ROS1: variants seen among roughly 807,000 people sequenced by gnomAD.
ROS1 encodes ROS proto-oncogene 1, receptor tyrosine kinase, also known as proto-oncogene tyrosine-protein kinase ROS.
In ROS1, 263 loss-of-function variants were observed where a neutral mutation model predicts 273.5. The observed-to-expected ratio is 0.96, with a 90% CI of 0.87 to 1.06. The LOEUF is 1.06. Ranked by LOEUF, ROS1 falls within the 50% of genes least tolerant of loss-of-function variation. ROS1 has a pLI of 0.00. For synonymous variants in ROS1, 1,008 were observed against 954.1 expected (o/e 1.06, Z -1.04); for missense variants, 2,833 against 2,751.1 (o/e 1.03, Z -0.67).
At chr6:117,326,091 T>TATATATA (rs1491282002) in intron 34 of ROS1, 133 bp downstream of exon 34, 47 of 148,330 alleles carry the variant, frequency 3.2e-4, no homozygotes, top group East Asian at 1.9e-3. Flanking sequence ...GATAATAAGA[T>TATATATA]TATATATATA....
chr6:117,350,770 A>T (rs1446889184), intron 27 of ROS1, among the ~76,000 whole-genome samples: 1 of 149,192 alleles, frequency 6.7e-6, no homozygotes, highest in Non-Finnish European at 1.5e-5. Flanking sequence ...CCTCAGCCAC[A>T]TCCAGTCTAC....
At position 117,317,229 on chromosome 6, in the gene ROS1, G is replaced by A. The variant is rs1332464408; in HGVS notation, c.6031C>T (p.Leu2011=). 1.2e-6 allele frequency: 2 copies of A among 1,613,108 alleles called. No individual in the cohort carries two copies. Among genetic ancestry groups the A allele is most frequent in the African/African-American group, 2.7e-5 (2 of 74,842 alleles). ...PNILKQLGVC[L]LNEPQYIILE... is the part of the protein sequence containing the mutation. Reference sequence around the variant, plus strand: ...ATAATGTATTGGGGTTCATTCAGCAGACAAACTCCAAGCTGCTTCAGAATG... The same window carrying A: ...ATAATGTATTGGGGTTCATTCAGCAAACAAACTCCAAGCTGCTTCAGAATG... Residue 2011 remains leucine, a synonymous_variant, in exon 39 of 44, where the codon CTG becomes TTG. Transcript: ENST00000368507.
intron 27 of ROS1, 130 bp downstream of exon 27, chr6:117,352,860 A>G (rs2128637469): frequency 1.3e-6 from 1 of 753,800 alleles, no homozygotes. Context: ...ACAGAAGACT[A>G]GCAGAGTTTG....
chr6:117,299,558 C>A (rs1435275142), intron 43 of ROS1: 6 of 152,214 alleles, frequency 3.9e-5, no homozygotes, highest in Non-Finnish European at 8.8e-5. Flanking sequence ...GTGCAAGTAG[C>A]TCTGCAAGCT....
rs1773582930 is a variant in ROS1 at position 117,288,423 on chromosome 6, C to T, written c.*69G>A. The T allele has an allele frequency of 7.9e-7, 1 of 1,261,220 alleles. No homozygotes were observed. Among genetic ancestry groups the T allele is most frequent in the South Asian group, 1.4e-5 (1 of 70,048 alleles). 78.1% of individuals were successfully genotyped at this position (1,261,220 alleles called of 1,614,324 possible). On this transcript the variant is annotated 3_prime_UTR_variant, in exon 44 of 44. Coordinates refer to ENST00000368507, the MANE Select transcript of ROS1 (RefSeq NM_001378902.1). The stretch of plus-strand genomic sequence containing the variant: ...ACCACCATGACATTTATCATTCTAG[C>T]AGAGTTTTCTTTCAGTAACTACTGA...
chr6:117,324,049 T>G (rs1776463634), intron 35 of ROS1, among the ~76,000 whole-genome samples: 1 of 152,220 alleles, frequency 6.6e-6, no homozygotes, highest in Admixed American at 6.5e-5. Context: ...AAATAAATAC[T>G]GTTTTAAAGA....
Position 117,327,552 on chromosome 6 carries a change from G to A in ROS1, c.5349-1138C>T, listed in dbSNP as rs148662399. 5.4e-3 allele frequency among the ~76,000 whole-genome samples: 828 copies of A among 152,230 alleles called. 4 individuals carry two copies. Among genetic ancestry groups the A allele is most frequent in the African/African-American group, 0.019 (793 of 41,530 alleles). ...ATACTGTACTGGGGCTTTACATAAC[G>A]TTGTTTTAATTCACTGAGTCCACAA... On this transcript the variant is annotated intron_variant, in intron 33 of 43. Transcript: ENST00000368507.
At chr6:117,321,900 A>G (rs965834056) in intron 35 of ROS1, among the ~76,000 whole-genome samples, 8 of 147,146 alleles carry the variant, frequency 5.4e-5, no homozygotes, top group African/African-American at 2.0e-4. Context: ...ATACTCGAAT[A>G]TGTAGAAAAA....
rs2128546382 is a variant in ROS1, at chr6:117,308,912, T to C, written c.6433A>G (p.Ile2145Val). ...QSDVWSFGIL[I>V]WEILTLGHQP... ...TGACCAAGAGTTAAAATCTCCCAAA[T>C]CAGAATTCCAAAAGACCTAAGAATA... The change falls in exon 42 of 44, where the codon ATT becomes GTT. Residue 2145 changes from isoleucine to valine, a missense_variant. Physicochemically the swap from Ile to Val is conservative, Grantham distance 29 (BLOSUM62 3). Transcript: ENST00000368507. 3.1e-6 allele frequency: 5 copies of C among 1,613,092 alleles called. No homozygotes were observed. Among genetic ancestry groups the C allele is most frequent in the Non-Finnish European group, 4.2e-6 (5 of 1,179,442 alleles).
rs1774812846 is a variant in ROS1, at chr6:117,410,447, TG to T, written c.256-806del. ...TCAATGAATATCTTTATACCAATGC[TG>T]AGTTTTAAAATCTATGAAAACTTAA... On this transcript the variant is annotated intron_variant, in intron 4 of 43. Transcript: ENST00000368507. Among the ~76,000 whole-genome samples the T allele has an allele frequency of 2.6e-5, 4 of 152,220 alleles. No individual in the cohort carries two copies. The South Asian group carries it at 8.3e-4, about 31-fold the overall frequency.
rs1778185119 is a variant in ROS1, at chr6:117,344,203, TA to T, written c.4362del (p.Asn1455ThrfsTer43). ...DTVEPTILNATNTSLTIRLPL... is the reference protein window; with the variant it reads ...DTVEPTILNAXNTSLTIRLPL... Reference sequence around the variant, plus strand: ...GGTAATCTGATTGTGAGGCTAGTGTTAGTGGCATTAAGTATAGTTGGTTCCA... The same window carrying T: ...GGTAATCTGATTGTGAGGCTAGTGTTGTGGCATTAAGTATAGTTGGTTCCA... On this transcript the variant is annotated frameshift_variant, in exon 28 of 44. Transcript: ENST00000368507. LOFTEE classifies it high-confidence loss of function. 1 of 1,613,938 alleles carries T rather than the reference TA, an allele frequency of 6.2e-7. No homozygotes were observed. Among genetic ancestry groups the T allele is most frequent in the African/African-American group, 1.3e-5 (1 of 74,908 alleles).
chr6:117,379,277 CA>C, intron 17 of ROS1, 118 bp from the exon 18 acceptor site: 3 of 622,436 alleles, frequency 4.8e-6, no homozygotes, highest in Non-Finnish European at 2.8e-6. Context: ...ATAATAAATT[CA>C]GTAATTTTTA....
chr6:117,316,505 C>G (rs550511601), intron 39 of ROS1, among the ~76,000 whole-genome samples: 2 of 152,208 alleles, frequency 1.3e-5, no homozygotes, highest in South Asian at 4.2e-4. Context: ...TAGTCACCCC[C>G]AGTCCTGTCC....
chr6:117,318,810 C>T (rs1009063130), intron 37 of ROS1, among the ~76,000 whole-genome samples: 14 of 152,090 alleles, frequency 9.2e-5, no homozygotes, highest in African/African-American at 3.1e-4. Flanking sequence ...TTCCTCCTCT[C>T]CCTGGCCCGA....
intron 43 of ROS1, among the ~76,000 whole-genome samples, chr6:117,290,190 T>A (rs982900994): frequency 1.3e-5 from 2 of 152,204 alleles, no homozygotes; most frequent in Admixed American, 1.3e-4. Flanking sequence ...TTTTTTAAAC[T>A]TTTTTGCTTA....
chr6:117,377,496 T>C (rs1307288078), intron 18 of ROS1, among the ~76,000 whole-genome samples: 2 of 151,776 alleles, frequency 1.3e-5, no homozygotes, highest in African/African-American at 4.8e-5. Context: ...CAACTGGATA[T>C]CCCTACAGAA....
chr6:117,292,172 A>G (rs988986667), intron 43 of ROS1, among the ~76,000 whole-genome samples: 4 of 152,008 alleles, frequency 2.6e-5, no homozygotes, highest in South Asian at 2.1e-4. Context: ...CGGTTTCACC[A>G]TGTTAGCCAG....
chr6:117,417,914 G>A (rs1045855117), intron 2 of ROS1, among the ~76,000 whole-genome samples: 1 of 152,072 alleles, frequency 6.6e-6, no homozygotes, highest in Non-Finnish European at 1.5e-5. Context: ...CACAATTCTG[G>A]TTCTGATGAT....
At chr6:117,400,901 C>T (rs2128721449) in intron 7 of ROS1, among the ~76,000 whole-genome samples, 1 of 152,302 alleles carries the variant, frequency 6.6e-6, no homozygotes, top group South Asian at 2.1e-4. Context: ...GTTCCAAATC[C>T]TTCCATTTAA....
Sources: allele counts gnomAD v4.1 joint callset (sites outside exome capture counted in the v4.1 genomes callset), GRCh38; gene constraint gnomAD v4.1.1; transcripts MANE v1.5; gene names NCBI Gene and HGNC (gene_info 2026-07-23, HGNC 2026-07-21).